Variants in NDFIP2 observed in about 807,000 individuals in gnomAD.
NDFIP2 encodes the protein NEDD4 family-interacting protein 2.
NDFIP2 carries 19 observed loss-of-function variants against 36.0 expected under a neutral mutation model. The observed-to-expected ratio is 0.53, with a 90% CI of 0.37 to 0.77. NDFIP2 has a LOEUF of 0.77. Among genes scored for constraint, NDFIP2 ranks in the 30% least tolerant of loss-of-function variants. The pLI, the probability that NDFIP2 is intolerant of heterozygous loss-of-function variation, is 0.00. For missense variants in NDFIP2, 446 were observed against 435.8 expected (o/e 1.02, Z -0.21); for synonymous variants, 181 against 167.7 (o/e 1.08, Z -0.61).
chr13:79,538,367 C>CA (rs1331300234), intron 3 of NDFIP2, among the ~76,000 whole-genome samples: 4 of 152,112 alleles, frequency 2.6e-5, no homozygotes, highest in East Asian at 1.9e-4. Flanking sequence ...AGCATTAACT[C>CA]AAAGAGTCAA....
At chr13:79,505,736 A>G (rs929034901) in intron 1 of NDFIP2, among the ~76,000 whole-genome samples, 1 of 152,110 alleles carries the variant, frequency 6.6e-6, no homozygotes, top group African/African-American at 2.4e-5. Context: ...AGTGTGGCTA[A>G]TAACTAGTTA....
At chr13:79,529,933 A>G (rs189153132) in intron 2 of NDFIP2, among the ~76,000 whole-genome samples, 10 of 152,340 alleles carry the variant, frequency 6.6e-5, no homozygotes, top group Admixed American at 5.9e-4. Context: ...AGTGCATACA[A>G]AAGTTATGTT....
chr13:79,517,799 T>C (rs1874409993), intron 1 of NDFIP2, among the ~76,000 whole-genome samples: 1 of 152,220 alleles, frequency 6.6e-6, no homozygotes, highest in African/African-American at 2.4e-5. Flanking sequence ...ATTTTGACAG[T>C]TTTTGAAAGT....
chr13:79,539,631 A>G (rs1335658320), intron 3 of NDFIP2, 51 bp from the exon 4 acceptor site: 6 of 1,418,436 alleles, frequency 4.2e-6, no homozygotes, highest in South Asian at 2.3e-5. Flanking sequence ...TACATTTAAG[A>G]TGATAAAGTT....
At chr13:79,543,466 G>C in intron 4 of NDFIP2, 92 bp from the exon 5 acceptor site, 3 of 1,484,814 alleles carry the variant, frequency 2.0e-6, no homozygotes, top group Non-Finnish European at 2.8e-6. Context: ...GGGAGCTGCT[G>C]TTTCCATTGA....
chr13:79,501,033 A>G (rs1428112202), intron 1 of NDFIP2, among the ~76,000 whole-genome samples: 5 of 152,194 alleles, frequency 3.3e-5, no homozygotes, highest in African/African-American at 1.2e-4. Flanking sequence ...AGGAAATGTA[A>G]ATGCATATTA....
intron 1 of NDFIP2, among the ~76,000 whole-genome samples, chr13:79,506,141 A>G (rs937787765): frequency 2.0e-5 from 3 of 152,186 alleles, no homozygotes; most frequent in African/African-American, 4.8e-5. Context: ...ACAGAAAGAT[A>G]TGTTCCTTTC....
chr13:79,538,800 C>G (rs1875346503), intron 3 of NDFIP2, among the ~76,000 whole-genome samples: 2 of 152,332 alleles, frequency 1.3e-5, no homozygotes, highest in Admixed American at 6.5e-5. Context: ...CCAGGCAGGT[C>G]TTGAACTCCT....
intron 3 of NDFIP2, among the ~76,000 whole-genome samples, chr13:79,536,733 A>G (rs1428339217): frequency 3.3e-5 from 5 of 152,130 alleles, no homozygotes; most frequent in Admixed American, 6.6e-5. Context: ...ATTATAAAAG[A>G]CATCTTTGGG....
chr13:79,485,134 G>A (rs1394198296), intron 1 of NDFIP2, among the ~76,000 whole-genome samples: 1 of 152,148 alleles, frequency 6.6e-6, no homozygotes, highest in Non-Finnish European at 1.5e-5. Flanking sequence ...GAGGGGCTGG[G>A]TGTCCATATG....
intron 1 of NDFIP2, among the ~76,000 whole-genome samples, chr13:79,500,418 C>A (rs1873612730): frequency 6.6e-6 from 1 of 151,852 alleles, no homozygotes; most frequent in African/African-American, 2.4e-5. Flanking sequence ...AAAGTCACAG[C>A]CTGGGAGAAA....
At chr13:79,505,321 A>G (rs1009298519) in intron 1 of NDFIP2, among the ~76,000 whole-genome samples, 17 of 152,152 alleles carry the variant, frequency 1.1e-4, no homozygotes, top group Non-Finnish European at 1.9e-4. Context: ...TGTTATCCTT[A>G]CTGTGGGAGT....
intron 1 of NDFIP2, among the ~76,000 whole-genome samples, chr13:79,504,164 T>C (rs1594844780): frequency 6.6e-6 from 1 of 152,340 alleles, no homozygotes; most frequent in Non-Finnish European, 1.5e-5. Context: ...TATTTGTTTT[T>C]ATACAATATA....
At chr13:79,482,650 C>T (rs1339454455) in intron 1 of NDFIP2, among the ~76,000 whole-genome samples, 1 of 152,114 alleles carries the variant, frequency 6.6e-6, no homozygotes, top group Non-Finnish European at 1.5e-5. Flanking sequence ...CCAAGACTTT[C>T]TATTAATAAG....
intron 1 of NDFIP2, among the ~76,000 whole-genome samples, chr13:79,509,043 T>A (rs1019186909): frequency 4.6e-5 from 7 of 152,310 alleles, no homozygotes; most frequent in African/African-American, 1.2e-4. Context: ...CATTTTTTTT[T>A]AATTTAAACA....
intron 1 of NDFIP2, among the ~76,000 whole-genome samples, chr13:79,512,575 G>A (rs902673395): frequency 6.6e-6 from 1 of 152,208 alleles, no homozygotes; most frequent in Non-Finnish European, 1.5e-5. Context: ...AAAGGATTTA[G>A]GAATGTTGGC....
chr13:79,541,187 G>A (rs1875441017), intron 4 of NDFIP2, among the ~76,000 whole-genome samples: 2 of 151,800 alleles, frequency 1.3e-5, no homozygotes, highest in African/African-American at 4.8e-5. Context: ...TAAATACCTG[G>A]TTCTGGGGAA....
At chr13:79,511,094 T>C (rs1327325182) in intron 1 of NDFIP2, among the ~76,000 whole-genome samples, 1 of 152,046 alleles carries the variant, frequency 6.6e-6, no homozygotes, top group Non-Finnish European at 1.5e-5. Context: ...TTTTAGACTT[T>C]AAAGGTGTCA....
intron 1 of NDFIP2, among the ~76,000 whole-genome samples, chr13:79,508,646 C>A (rs113734288): frequency 6.6e-6 from 1 of 152,116 alleles, no homozygotes; most frequent in Non-Finnish European, 1.5e-5. Context: ...GGGGTTTAGC[C>A]GGCTTCTTTA....
Sources: allele counts gnomAD v4.1 joint callset (sites outside exome capture counted in the v4.1 genomes callset), GRCh38; gene constraint gnomAD v4.1.1; transcripts MANE v1.5; gene names NCBI Gene and HGNC (gene_info 2026-07-23, HGNC 2026-07-21).